The following RBM19 variants were observed in gnomAD, a reference collection of about 807,000 sequenced individuals.
The protein encoded by RBM19 is probable RNA-binding protein 19.
Under a neutral mutation model 116.8 loss-of-function variants are expected in RBM19, and 94 were observed. The ratio of observed to expected loss-of-function variants is 0.80; its 90% confidence interval spans 0.68 to 0.95. The LOEUF is 0.95. RBM19 is among the 40% of genes least tolerant of loss of function. The probability of loss-of-function intolerance (pLI) is 0.00; values close to 1 mark genes in which losing one functional copy is unlikely to be tolerated. For synonymous variants in RBM19, 475 were observed against 494.1 expected, an observed-to-expected ratio of 0.96 and a Z score of 0.51; for missense variants, 1,161 against 1,220.7, an observed-to-expected ratio of 0.95 and a Z score of 0.73.
At chr12:113,944,199 G>C (rs556068376) in intron 13 of RBM19, among the ~76,000 whole-genome samples, 1 of 146,450 alleles carries the variant, frequency 6.8e-6, no homozygotes, top group Admixed American at 7.0e-5. Context: ...CTGGGTTCAA[G>C]CGATTCTCCT....
chr12:113,925,570 G>C (rs915172900), intron 17 of RBM19, among the ~76,000 whole-genome samples: 1 of 152,180 alleles, frequency 6.6e-6, no homozygotes, highest in Non-Finnish European at 1.5e-5. Flanking sequence ...TGATCGCTAC[G>C]CATGGCTCTC....
chr12:113,893,609 T>G (rs546933136), intron 21 of RBM19, among the ~76,000 whole-genome samples: 12 of 152,198 alleles, frequency 7.9e-5, no homozygotes, highest in South Asian at 2.1e-4. Context: ...AACCCACCAT[T>G]GAAGATCCTC....
intron 21 of RBM19, among the ~76,000 whole-genome samples, chr12:113,909,680 G>A (rs953814841): frequency 6.6e-6 from 1 of 152,052 alleles, no homozygotes; most frequent in African/African-American, 2.4e-5. Flanking sequence ...AGTGAGCCGG[G>A]GGACTCTGGA....
At chr12:113,829,759 A>G (rs1875200873) in intron 23 of RBM19, among the ~76,000 whole-genome samples, 1 of 152,196 alleles carries the variant, frequency 6.6e-6, no homozygotes, top group African/African-American at 2.4e-5. Context: ...GATGAGATAA[A>G]GCATGAGAGC....
intron 19 of RBM19, 97 bp from the exon 20 acceptor site, chr12:113,918,544 G>A: frequency 7.5e-7 from 1 of 1,325,010 alleles, no homozygotes. Context: ...TCGCAGATGG[G>A]AGCCTGATTG....
At chr12:113,917,452 C>A (rs898077053) in intron 20 of RBM19, among the ~76,000 whole-genome samples, 1 of 152,198 alleles carries the variant, frequency 6.6e-6, no homozygotes, top group Admixed American at 6.5e-5. Context: ...GGAACCCCCA[C>A]TAGACTTCTG....
intron 20 of RBM19, 60 bp downstream of exon 20, chr12:113,918,332 G>A (rs1375615652): frequency 1.5e-5 from 23 of 1,569,482 alleles, no homozygotes; most frequent in South Asian, 7.8e-5. Flanking sequence ...CAGGGTGGCC[G>A]GCACCAAGCA....
chr12:113,889,956 C>T (rs1013073512), intron 21 of RBM19, among the ~76,000 whole-genome samples: 1 of 152,160 alleles, frequency 6.6e-6, no homozygotes, highest in Non-Finnish European at 1.5e-5. Flanking sequence ...TCCGCACCCT[C>T]CTTCTCCAGC....
intron 15 of RBM19, 74 bp from the exon 16 acceptor site, chr12:113,937,210 A>G (rs1870151744): frequency 1.3e-6 from 2 of 1,557,012 alleles, no homozygotes; most frequent in South Asian, 1.2e-5. Flanking sequence ...AGTCCCATGC[A>G]GATCACAGCC....
intron 22 of RBM19, among the ~76,000 whole-genome samples, 183 bp from the exon 23 acceptor site, chr12:113,844,971 A>G (rs1383731555): frequency 1.3e-5 from 2 of 152,172 alleles, no homozygotes; most frequent in African/African-American, 4.8e-5. Flanking sequence ...AGTGGGTTGC[A>G]TTCCCAGGGA....
At chr12:113,824,600 C>CATTA (rs1874698540) in intron 23 of RBM19, among the ~76,000 whole-genome samples, 1 of 152,048 alleles carries the variant, frequency 6.6e-6, no homozygotes, top group South Asian at 2.1e-4. Flanking sequence ...TCCATTTATC[C>CATTA]GCAGGCTGTG....
intron 18 of RBM19, among the ~76,000 whole-genome samples, chr12:113,922,912 T>A (rs1433582780): frequency 2.0e-5 from 3 of 152,162 alleles, no homozygotes; most frequent in Admixed American, 6.5e-5. Flanking sequence ...GGCAGGCAGA[T>A]CACTTGAGGT....
chr12:113,943,435 C>T (rs1034585338), intron 13 of RBM19, among the ~76,000 whole-genome samples: 1 of 152,168 alleles, frequency 6.6e-6, no homozygotes, highest in African/African-American at 2.4e-5. Flanking sequence ...ATCCAAAGTG[C>T]TCTCCGTGGA....
chr12:113,820,186 T>C (rs1874320172), downstream of RBM19, among the ~76,000 whole-genome samples: 1 of 148,846 alleles, frequency 6.7e-6, no homozygotes. Context: ...TGGGTCACCC[T>C]GGAAGAACTG....
At chr12:113,849,093 A>G (rs1593479450) in intron 22 of RBM19, among the ~76,000 whole-genome samples, 2 of 152,240 alleles carry the variant, frequency 1.3e-5, no homozygotes, top group Admixed American at 6.5e-5. Context: ...GGCCCCTTAC[A>G]CAGACGGCCC....
chr12:113,854,481 C>T (rs1020679788), intron 22 of RBM19, among the ~76,000 whole-genome samples: 1 of 152,092 alleles, frequency 6.6e-6, no homozygotes, highest in Non-Finnish European at 1.5e-5. Flanking sequence ...CCCCATCAAC[C>T]TCTGTCCCCT....
Position 113,940,020 on chromosome 12 carries a change from G to A in RBM19, c.1878C>T (p.Ile626=), listed in dbSNP as rs745797343. ...VLLPEGGITA[I]VEFLEPLEAR... is the part of the protein sequence containing the mutation. Reference sequence around the variant, plus strand: ...CCTCCAGGGGCTCCAGGAACTCCACGATGGCAGTGATTCCGCCCTCTGGCA... The same window carrying A: ...CCTCCAGGGGCTCCAGGAACTCCACAATGGCAGTGATTCCGCCCTCTGGCA... The change falls in exon 15 of 24, where the codon ATC becomes ATT. Residue 626 remains isoleucine (I), a synonymous_variant. Transcript: ENST00000261741. The A allele has an allele frequency of 1.9e-6, 3 of 1,614,116 alleles. No individual in the cohort carries two copies. The highest frequency in any genetic ancestry group is 2.5e-6 in the Non-Finnish European group (3 of 1,180,012).
At chr12:113,832,225 TGTTGCCCAG>T (rs988459420) in intron 23 of RBM19, among the ~76,000 whole-genome samples, 6 of 151,892 alleles carry the variant, frequency 4.0e-5, no homozygotes, top group Non-Finnish European at 7.4e-5. Flanking sequence ...AGTCTCACTC[TGTTGCCCAG>T]GCTGGAGTGC....
At chr12:113,921,075 G>A (rs549542630) in intron 18 of RBM19, among the ~76,000 whole-genome samples, 11 of 152,316 alleles carry the variant, frequency 7.2e-5, no homozygotes, top group South Asian at 2.1e-4. Context: ...GAATATGTGC[G>A]TGAGAGTCAA....
Sources: gnomAD v4.1 joint callset for allele counts (sites outside exome capture counted in the v4.1 genomes callset) on GRCh38, gnomAD v4.1.1 for gene constraint, MANE v1.5 for transcripts, NCBI Gene and HGNC (gene_info 2026-07-23, HGNC 2026-07-21) for gene names.